WWOX: variants seen among roughly 807,000 people sequenced by gnomAD.
WWOX encodes the protein WW domain-containing oxidoreductase.
In WWOX, 69 loss-of-function variants were observed where a neutral mutation model predicts 46.2. The observed-to-expected ratio is 1.49, with a 90% CI of 1.23 to 1.82. The LOEUF is 1.82. Ranked by LOEUF, WWOX falls within the 40% of genes most tolerant of loss-of-function variation. The probability of loss-of-function intolerance (pLI) is 0.00; values close to 1 mark genes in which losing one functional copy is unlikely to be tolerated. For synonymous variants in WWOX, 359 were observed against 202.6 expected (o/e 1.77, Z -6.56); for missense variants, 919 against 542.6 (o/e 1.69, Z -6.89).
Position 78,842,167 on chromosome 16 carries a change from T to A in WWOX, c.1057-369441T>A, listed in dbSNP as rs567558971. ...CAGGAGGAGTTCATTTTCAACCGATTCAGCAGTGGAACACTTGAAGAGGAG... is the reference window on the plus strand; with the variant it reads ...CAGGAGGAGTTCATTTTCAACCGATACAGCAGTGGAACACTTGAAGAGGAG... On this transcript the variant is annotated intron_variant, in intron 8 of 8. Transcript: ENST00000566780. Among the ~76,000 whole-genome samples, 4 of 152,164 alleles carry A rather than the reference T, an allele frequency of 2.6e-5. No homozygotes were observed. In the South Asian group the frequency reaches 8.3e-4, roughly 32 times the overall value.
intron 8 of WWOX, among the ~76,000 whole-genome samples, chr16:78,689,401 C>G (rs2047935305): frequency 6.6e-6 from 1 of 152,204 alleles, no homozygotes; most frequent in Admixed American, 6.5e-5. Flanking sequence ...TCTGGGGCAA[C>G]TTCTGTCTTC....
At chr16:79,019,888 T>C (rs1381456717) in intron 8 of WWOX, among the ~76,000 whole-genome samples, 2 of 152,344 alleles carry the variant, frequency 1.3e-5, no homozygotes, top group African/African-American at 4.8e-5. Context: ...TCCTCAATGT[T>C]CTTTTCCCTC....
chr16:79,211,162 A>C (rs1359486878), intron 8 of WWOX, among the ~76,000 whole-genome samples: 2 of 152,058 alleles, frequency 1.3e-5, no homozygotes, highest in Admixed American at 6.6e-5. Flanking sequence ...TTTCTACCTG[A>C]TGGACCACAA....
chr16:78,481,645 A>AGAT (rs111441908), intron 8 of WWOX, among the ~76,000 whole-genome samples: 4 of 148,824 alleles, frequency 2.7e-5, no homozygotes, highest in African/African-American at 7.5e-5. Flanking sequence ...GAAAAAAAAA[A>AGAT]AGAATGTTTT....
chr16:78,706,136 A>T (rs1260777235), intron 8 of WWOX, among the ~76,000 whole-genome samples: 1 of 148,922 alleles, frequency 6.7e-6, no homozygotes, highest in Admixed American at 6.8e-5. Context: ...TATAAAAATC[A>T]TTCTTAATTA....
intron 8 of WWOX, among the ~76,000 whole-genome samples, chr16:78,836,566 A>T (rs2051990799): frequency 6.6e-6 from 1 of 152,186 alleles, no homozygotes; most frequent in Non-Finnish European, 1.5e-5. Flanking sequence ...AAAGAGAATG[A>T]GCATTCCTCA....
intron 1 of WWOX, among the ~76,000 whole-genome samples, chr16:78,101,950 G>A: frequency 6.6e-6 from 1 of 152,158 alleles, no homozygotes; most frequent in East Asian, 1.9e-4. Context: ...CATGAGGTGT[G>A]TGTAGGTAGT....
rs368233585 is a variant in WWOX, at chr16:78,959,832, C to T, written c.1057-251776C>T. On this transcript the variant is annotated intron_variant, in intron 8 of 8. Transcript: ENST00000566780. ...AACCCTGTGGAAATCATACGGGGAA[C>T]TATAAAAGATCCTGATGCCTGGTTT... Among the ~76,000 whole-genome samples, 13 of 152,214 alleles carry T rather than the reference C, an allele frequency of 8.5e-5. 2 individuals carry two copies. Among genetic ancestry groups the T allele is most frequent in the African/African-American group, 3.1e-4 (13 of 41,522 alleles).
At chr16:78,444,687 C>T (rs1164867249) in intron 8 of WWOX, among the ~76,000 whole-genome samples, 5 of 151,982 alleles carry the variant, frequency 3.3e-5, no homozygotes, top group African/African-American at 9.7e-5. Flanking sequence ...CGTGCCACCA[C>T]ACCCGGCTAA....
intron 8 of WWOX, among the ~76,000 whole-genome samples, chr16:79,105,363 A>T (rs1479556283): frequency 6.6e-6 from 1 of 152,188 alleles, no homozygotes; most frequent in East Asian, 1.9e-4. Context: ...AAACTCAGAG[A>T]AAAGGGCACC....
chr16:78,598,371 T>C (rs1348569685), intron 8 of WWOX, among the ~76,000 whole-genome samples: 2 of 152,226 alleles, frequency 1.3e-5, no homozygotes, highest in African/African-American at 2.4e-5. Flanking sequence ...AAAGCTCATG[T>C]AGACTGGGTT....
At chr16:79,043,873 G>A (rs1339956550) in intron 8 of WWOX, among the ~76,000 whole-genome samples, 1 of 152,196 alleles carries the variant, frequency 6.6e-6, no homozygotes, top group South Asian at 2.1e-4. Context: ...AGTACCTCTG[G>A]CCTCCAAGGC....
intron 8 of WWOX, among the ~76,000 whole-genome samples, chr16:78,770,858 G>C (rs976088901): frequency 6.6e-6 from 1 of 152,270 alleles, no homozygotes; most frequent in East Asian, 1.9e-4. Flanking sequence ...CGTCATCTGT[G>C]GACGGTTGGC....
chr16:78,764,820 A>G lies in WWOX; in HGVS notation c.1056+332068A>G, dbSNP rs569873833. Among the ~76,000 whole-genome samples the G allele has an allele frequency of 3.3e-5, 5 of 151,882 alleles. No homozygotes were observed. The South Asian group carries it at 1.0e-3, about 32-fold the overall frequency. On this transcript the variant is annotated intron_variant, in intron 8 of 8. Transcript: ENST00000566780. The stretch of plus-strand genomic sequence containing the variant: ...AAACAACTTACCTAGGTCTGATCTC[A>G]TTTGATATTGTTGCTCATAGCAAAG...
At chr16:78,725,063 G>T (rs970752420) in intron 8 of WWOX, among the ~76,000 whole-genome samples, 1 of 152,192 alleles carries the variant, frequency 6.6e-6, no homozygotes, top group East Asian at 1.9e-4. Context: ...GGAGGGACCG[G>T]GTGGGAGAAT....
At chr16:78,109,915 A>G (rs2032391504) in intron 3 of WWOX, 80 bp downstream of exon 3, 6 of 1,449,552 alleles carry the variant, frequency 4.1e-6, no homozygotes, top group Non-Finnish European at 5.8e-6. Context: ...ATACATAGTA[A>G]CTGTAGAAAA....
At chr16:78,901,397 T>C (rs1285351595) in intron 8 of WWOX, among the ~76,000 whole-genome samples, 1 of 152,214 alleles carries the variant, frequency 6.6e-6, no homozygotes, top group African/African-American at 2.4e-5. Context: ...ATTCTTTCTC[T>C]TTTTTTCCTG....
intron 5 of WWOX, among the ~76,000 whole-genome samples, chr16:78,249,601 A>G (rs2037925069): frequency 6.6e-6 from 1 of 152,230 alleles, no homozygotes; most frequent in Non-Finnish European, 1.5e-5. Context: ...GCAGGTGAGA[A>G]GGCCGTTCAT....
intron 6 of WWOX, among the ~76,000 whole-genome samples, chr16:78,420,111 G>C (rs1326276008): frequency 6.6e-6 from 1 of 152,034 alleles, no homozygotes; most frequent in Non-Finnish European, 1.5e-5. Context: ...AAAAAAGTCA[G>C]ATAACAAATA....
Sources: gnomAD v4.1 joint callset for allele counts (sites outside exome capture counted in the v4.1 genomes callset) on GRCh38, gnomAD v4.1.1 for gene constraint, MANE v1.5 for transcripts, NCBI Gene and HGNC (gene_info 2026-07-23, HGNC 2026-07-21) for gene names.